MACO1: variants seen among roughly 807,000 people sequenced by gnomAD.
MACO1 encodes the protein macoilin 1.
Under a neutral mutation model 78.7 loss-of-function variants are expected in MACO1, and 14 were observed. The observed-to-expected ratio is 0.18, with a 90% CI of 0.12 to 0.28. The LOEUF is 0.28. Among genes scored for constraint, MACO1 ranks in the 10% least tolerant of loss-of-function variants. MACO1 has a pLI of 1.00. For synonymous variants in MACO1, 288 were observed against 291.6 expected (o/e 0.99, Z 0.12); for missense variants, 501 against 799.0 (o/e 0.63, Z 4.50).
At chr1:25,461,781 A>G (rs1479620007) in intron 6 of MACO1, among the ~76,000 whole-genome samples, 2 of 152,246 alleles carry the variant, frequency 1.3e-5, no homozygotes, top group Non-Finnish European at 2.9e-5. Context: ...TTTCTAATAT[A>G]CATAGAAAAA....
intron 1 of MACO1, among the ~76,000 whole-genome samples, chr1:25,442,842 G>T (rs1323313038): frequency 6.6e-6 from 1 of 152,066 alleles, no homozygotes; most frequent in African/African-American, 2.4e-5. Flanking sequence ...TTATTCATTT[G>T]CCCTTGTTTC....
At chr1:25,448,992 G>T in intron 3 of MACO1, 58 bp downstream of exon 3, 2 of 1,365,802 alleles carry the variant, frequency 1.5e-6, no homozygotes, top group South Asian at 2.2e-5. Context: ...TTTTAAATGT[G>T]GTTATTTCTT....
intron 6 of MACO1, among the ~76,000 whole-genome samples, chr1:25,483,798 C>G (rs1174448543): frequency 2.0e-5 from 3 of 152,238 alleles, no homozygotes; most frequent in Non-Finnish European, 4.4e-5. Flanking sequence ...AGCCTTTAGT[C>G]TTCAGCCACC....
intron 1 of MACO1, among the ~76,000 whole-genome samples, chr1:25,432,324 A>G (rs2042882918): frequency 1.3e-5 from 2 of 152,248 alleles, no homozygotes; most frequent in Admixed American, 1.3e-4. Flanking sequence ...TTCCACAAGC[A>G]GCTGACTGAT....
intron 6 of MACO1, among the ~76,000 whole-genome samples, chr1:25,459,221 A>T (rs1042746405): frequency 6.6e-6 from 1 of 151,536 alleles, no homozygotes; most frequent in African/African-American, 2.4e-5. Flanking sequence ...CTTGGCGTAA[A>T]CACAAAAAGA....
chr1:25,465,167 A>G (rs1246314603), intron 6 of MACO1, among the ~76,000 whole-genome samples: 1 of 152,152 alleles, frequency 6.6e-6, no homozygotes, highest in African/African-American at 2.4e-5. Context: ...ACTGAATAAT[A>G]TTCCATTGTC....
chr1:25,487,207 G>A (rs1037508609), intron 8 of MACO1, among the ~76,000 whole-genome samples: 1 of 152,084 alleles, frequency 6.6e-6, no homozygotes, highest in East Asian at 1.9e-4. Flanking sequence ...AGGCTGGAGT[G>A]CAGTGGCGCG....
intron 1 of MACO1, among the ~76,000 whole-genome samples, chr1:25,440,767 C>CAAAA (rs71815906): frequency 1.9e-5 from 2 of 107,132 alleles, no homozygotes; most frequent in African/African-American, 6.8e-5. Context: ...GACTCCATCT[C>CAAAA]AAAAAAAAAA....
chr1:25,465,582 G>T (rs1163159806), intron 6 of MACO1, among the ~76,000 whole-genome samples: 1 of 152,162 alleles, frequency 6.6e-6, no homozygotes, highest in East Asian at 1.9e-4. Flanking sequence ...TTTACCATCT[G>T]TGCATCTTTT....
chr1:25,471,651 A>G (rs530230300), intron 6 of MACO1, among the ~76,000 whole-genome samples: 2 of 152,322 alleles, frequency 1.3e-5, no homozygotes, highest in South Asian at 2.1e-4. Context: ...GTGCAGGGAA[A>G]ATACTAGGAA....
Position 25,454,485 on chromosome 1 carries a change from TA to T in MACO1, c.473+104del, listed in dbSNP as rs763516029. 212 of 158,980 alleles carry T rather than the reference TA, an allele frequency of 1.3e-3. 2 individuals are homozygous for T. The highest frequency in any genetic ancestry group is 3.8e-3 in the South Asian group (13 of 3,466). 9.8% of individuals were successfully genotyped at this position (158,980 alleles called of 1,614,324 possible). On this transcript the variant is annotated intron_variant, in intron 4 of 10. Transcript: ENST00000374343. ...GTGTGTGTGTGTATATATATATATA[TA>T]TATTTTTTTTTTTTTTAGACGGAGT...
chr1:25,455,498 G>A (rs1420720126), intron 4 of MACO1, among the ~76,000 whole-genome samples: 1 of 152,142 alleles, frequency 6.6e-6, no homozygotes, highest in African/African-American at 2.4e-5. Context: ...ACATGTCACC[G>A]TAAGTTTGTA....
chr1:25,459,022 A>G lies in MACO1; in HGVS notation c.1154+130A>G, dbSNP rs564732797. On this transcript the variant is annotated intron_variant, in intron 6 of 10. Coordinates refer to ENST00000374343, the MANE Select transcript of MACO1 (RefSeq NM_018202.6). ...TGACTAGTGACGTGTGGTGTTTTAC[A>G]TGAGTTTGTTGGCCACCTTGTGTTA... The G allele has an allele frequency of 9.7e-6, 12 of 1,235,066 alleles. No homozygotes were observed. In the African/African-American group the frequency reaches 1.5e-4, roughly 16 times the overall value. The allele number at this position is 1,235,066 out of a possible 1,614,324, so 76.5% of individuals were successfully genotyped here.
chr1:25,451,462 ATTTT>A (rs764763997), intron 3 of MACO1, among the ~76,000 whole-genome samples: 5 of 152,014 alleles, frequency 3.3e-5, no homozygotes, highest in Non-Finnish European at 5.9e-5. Context: ...TAATTTTTCT[ATTTT>A]TTTCTGTAAT....
chr1:25,498,700 C>T lies in MACO1; in HGVS notation c.*234C>T. 1 of 422,982 alleles carries T rather than the reference C, an allele frequency of 2.4e-6. No individual in the cohort carries two copies. Among genetic ancestry groups the T allele is most frequent in the Non-Finnish European group, 4.1e-6 (1 of 242,300 alleles). 26.2% of individuals were successfully genotyped at this position (422,982 alleles called of 1,614,324 possible). On this transcript the variant is annotated 3_prime_UTR_variant, in exon 11 of 11. Coordinates refer to ENST00000374343, the MANE Select transcript of MACO1 (RefSeq NM_018202.6). ...AACTTTACAGTTTATTTTTCTCGGCCAACACATTAAAACCATTCTTGGATT... is the reference window on the plus strand; with the variant it reads ...AACTTTACAGTTTATTTTTCTCGGCTAACACATTAAAACCATTCTTGGATT...
chr1:25,482,032 A>AG (rs1395111451), intron 6 of MACO1, among the ~76,000 whole-genome samples: 5 of 152,158 alleles, frequency 3.3e-5, no homozygotes, highest in African/African-American at 1.2e-4. Context: ...ATCACTGTGG[A>AG]GGGCTCTGGG....
intron 1 of MACO1, among the ~76,000 whole-genome samples, chr1:25,439,331 G>T (rs2042947340): frequency 1.3e-5 from 2 of 152,036 alleles, no homozygotes; most frequent in Admixed American, 1.3e-4. Context: ...AGGAGTTGGA[G>T]GTTGCAGTGA....
intron 6 of MACO1, among the ~76,000 whole-genome samples, chr1:25,469,223 T>C (rs976450016): frequency 2.0e-5 from 3 of 152,170 alleles, no homozygotes; most frequent in African/African-American, 7.2e-5. Flanking sequence ...TTTTAGAGCA[T>C]ATATATTGAT....
At chr1:25,478,745 G>A (rs557489772) in intron 6 of MACO1, among the ~76,000 whole-genome samples, 18 of 152,230 alleles carry the variant, frequency 1.2e-4, no homozygotes, top group Non-Finnish European at 2.5e-4. Context: ...ACCCTGGCTT[G>A]TTCAGTTGGA....
Sources: gnomAD v4.1 joint callset for allele counts (sites outside exome capture counted in the v4.1 genomes callset) on GRCh38, gnomAD v4.1.1 for gene constraint, MANE v1.5 for transcripts, NCBI Gene and HGNC (gene_info 2026-07-23, HGNC 2026-07-21) for gene names.